The following SLC12A2 variants were observed in gnomAD, a reference collection of about 807,000 sequenced individuals.
SLC12A2 encodes the protein solute carrier family 12 member 2.
A neutral mutation model predicts 136.3 loss-of-function variants in SLC12A2; 67 were observed. The observed-to-expected ratio is 0.49, with a 90% CI of 0.40 to 0.60. The LOEUF (loss-of-function observed/expected upper bound fraction) is 0.60, where lower values mean the gene tolerates loss of function less well. SLC12A2 is among the 20% of genes least tolerant of loss of function. The probability of loss-of-function intolerance (pLI) is 0.00; values close to 1 mark genes in which losing one functional copy is unlikely to be tolerated. For synonymous variants in SLC12A2, 619 were observed against 562.9 expected, an observed-to-expected ratio of 1.10 and a Z score of -1.41; for missense variants, 1,322 against 1,534.7, an observed-to-expected ratio of 0.86 and a Z score of 2.32.
intron 23 of SLC12A2, among the ~76,000 whole-genome samples, chr5:128,182,390 A>G (rs1763732128): frequency 6.6e-6 from 1 of 152,024 alleles, no homozygotes; most frequent in Non-Finnish European, 1.5e-5. Context: ...TCTTTCCCCA[A>G]AATGCTATGA....
At chr5:128,175,996 T>C (rs888948488) in intron 20 of SLC12A2, among the ~76,000 whole-genome samples, 2 of 150,846 alleles carry the variant, frequency 1.3e-5, no homozygotes, top group African/African-American at 5.0e-5. Context: ...ATTTTCTGTT[T>C]AGTCAGTTAT....
At chr5:128,127,040 TTATCGTTTCTGTCG>T (rs1761837902) in intron 4 of SLC12A2, among the ~76,000 whole-genome samples, 3 of 137,760 alleles carry the variant, frequency 2.2e-5, no homozygotes, top group African/African-American at 5.4e-5. Context: ...GTCAGAGATA[TTATCGTTTCTGTCG>T]AATTTTACTT....
At chr5:128,131,281 G>A in intron 5 of SLC12A2, 75 bp downstream of exon 5, 1 of 1,467,368 alleles carries the variant, frequency 6.8e-7, no homozygotes, top group Non-Finnish European at 9.5e-7. Flanking sequence ...CCATGTTAGA[G>A]GTTGGGAAAG....
intron 1 of SLC12A2, among the ~76,000 whole-genome samples, chr5:128,095,048 T>G (rs1038590405): frequency 2.0e-5 from 3 of 152,158 alleles, no homozygotes; most frequent in Non-Finnish European, 4.4e-5. Context: ...TTAATTCCTT[T>G]TCTTCCACAT....
chr5:128,088,606 T>A (rs1034362252), intron 1 of SLC12A2, among the ~76,000 whole-genome samples: 1 of 152,200 alleles, frequency 6.6e-6, no homozygotes, highest in Non-Finnish European at 1.5e-5. Flanking sequence ...CTATTTTGAC[T>A]GCTAAACCAT....
intron 1 of SLC12A2, among the ~76,000 whole-genome samples, chr5:128,112,107 G>C (rs1761169748): frequency 6.6e-6 from 1 of 151,976 alleles, no homozygotes; most frequent in Admixed American, 6.6e-5. Flanking sequence ...TATTGGGATA[G>C]AACAAAACTC....
At chr5:128,155,696 A>T (rs1169398725) in intron 15 of SLC12A2, among the ~76,000 whole-genome samples, 1 of 152,158 alleles carries the variant, frequency 6.6e-6, no homozygotes, top group African/African-American at 2.4e-5. Flanking sequence ...GTCTGAAATG[A>T]AGTATCTCTA....
At chr5:128,097,725 G>A (rs1257429931) in intron 1 of SLC12A2, among the ~76,000 whole-genome samples, 2 of 152,024 alleles carry the variant, frequency 1.3e-5, no homozygotes, top group African/African-American at 4.8e-5. Flanking sequence ...TGATAAACAT[G>A]TTGTTCTTGT....
chr5:128,169,853 ACT>A (rs1336971969), intron 18 of SLC12A2: 1 of 152,122 alleles, frequency 6.6e-6, no homozygotes, highest in African/African-American at 2.4e-5. Context: ...GGTCTTTCTG[ACT>A]CTGACTTTCT....
intron 4 of SLC12A2, among the ~76,000 whole-genome samples, chr5:128,126,875 CATG>C (rs1358857701): frequency 1.4e-5 from 2 of 142,190 alleles, no homozygotes; most frequent in African/African-American, 5.3e-5. Context: ...TGAATTTTGT[CATG>C]ATTCTCCTGC....
chr5:128,128,677 A>C (rs549575190), intron 4 of SLC12A2, among the ~76,000 whole-genome samples: 30 of 152,156 alleles, frequency 2.0e-4, no homozygotes, highest in Admixed American at 3.3e-4. Flanking sequence ...TCTCATTTGT[A>C]AAATGAGGAT....
chr5:128,111,746 C>T (rs901306496), intron 1 of SLC12A2, among the ~76,000 whole-genome samples: 1 of 135,168 alleles, frequency 7.4e-6, no homozygotes, highest in East Asian at 2.1e-4. Context: ...GCCTGGGTGA[C>T]AGAGCGAGAC....
chr5:128,113,102 A>G (rs949695587), intron 2 of SLC12A2, among the ~76,000 whole-genome samples, 169 bp downstream of exon 2: 1 of 152,184 alleles, frequency 6.6e-6, no homozygotes, highest in African/African-American at 2.4e-5. Flanking sequence ...TTGCTTTTGG[A>G]TATTAACTTC....
intron 19 of SLC12A2, among the ~76,000 whole-genome samples, chr5:128,173,448 G>A (rs1385722072): frequency 6.6e-6 from 1 of 152,100 alleles, no homozygotes; most frequent in South Asian, 2.1e-4. Flanking sequence ...CTTTTAAAAA[G>A]TATTTTCATG....
chr5:128,126,891 C>T lies in SLC12A2; in HGVS notation c.1049-4176C>T, dbSNP rs1019662750. Among the ~76,000 whole-genome samples, 4 of 134,576 alleles carry T rather than the reference C, an allele frequency of 3.0e-5. No individual in the cohort carries two copies. The South Asian group carries it at 9.3e-4, about 31-fold the overall frequency. 88.3% of individuals were successfully genotyped at this position (134,576 alleles called of 152,430 possible). A position where few individuals can be genotyped will look rare whatever the true frequency, so the allele number is the denominator to read the frequency against. On this transcript the variant is annotated intron_variant, in intron 4 of 26. Coordinates refer to ENST00000262461, the MANE Select transcript of SLC12A2 (RefSeq NM_001046.3). ...GAATTTTGTCATGATTCTCCTGCATCTGTTGAACTGTATGTTTTTTTTCTT... is the reference window on the plus strand; with the variant it reads ...GAATTTTGTCATGATTCTCCTGCATTTGTTGAACTGTATGTTTTTTTTCTT...
intron 1 of SLC12A2, among the ~76,000 whole-genome samples, chr5:128,093,953 G>A (rs548490486): frequency 5.9e-5 from 9 of 152,068 alleles, no homozygotes; most frequent in African/African-American, 1.9e-4. Flanking sequence ...CTTTGGTCAC[G>A]TGGCCTTTGT....
At chr5:128,113,163 T>C (rs1417399268) in intron 2 of SLC12A2, among the ~76,000 whole-genome samples, 1 of 152,226 alleles carries the variant, frequency 6.6e-6, no homozygotes, top group Non-Finnish European at 1.5e-5. Flanking sequence ...GATTATATTC[T>C]ATGTAATGTG....
chr5:128,108,792 T>C (rs758954682), intron 1 of SLC12A2, among the ~76,000 whole-genome samples: 19 of 152,238 alleles, frequency 1.2e-4, no homozygotes, highest in Non-Finnish European at 2.2e-4. Flanking sequence ...TTGTGAGTTA[T>C]ATCTCAATAT....
In SLC12A2 at chr5:128,101,580, T is replaced by C. The variant is rs181048037; in HGVS notation, c.757-11234T>C. On this transcript the variant is annotated intron_variant, in intron 1 of 26. Coordinates refer to ENST00000262461, the MANE Select transcript of SLC12A2 (RefSeq NM_001046.3). ...GTAATACACTTTTGTATGTTAACAG[T>C]GCCCTAAAATAAAGATCCCCACTCT... Among the ~76,000 whole-genome samples the C allele has an allele frequency of 1.4e-3, 220 of 152,316 alleles. 7 individuals are homozygous for C. In the Middle Eastern group the frequency reaches 0.017, roughly 12 times the overall value.
Sources: gnomAD v4.1 joint callset for allele counts (sites outside exome capture counted in the v4.1 genomes callset) on GRCh38, gnomAD v4.1.1 for gene constraint, MANE v1.5 for transcripts, NCBI Gene and HGNC (gene_info 2026-07-23, HGNC 2026-07-21) for gene names.